The following FGF14 variants were observed in gnomAD, a reference collection of about 807,000 sequenced individuals.
The protein encoded by FGF14 is fibroblast growth factor homologous factor 4.
Under a neutral mutation model 25.5 loss-of-function variants are expected in FGF14, and 5 were observed. The observed-to-expected ratio is 0.20, with a 90% CI of 0.10 to 0.41. The LOEUF (loss-of-function observed/expected upper bound fraction) is 0.41, where lower values mean the gene tolerates loss of function less well. FGF14 is among the 10% of genes least tolerant of loss of function. FGF14 has a pLI of 1.00. For synonymous variants in FGF14, 138 were observed against 118.3 expected (o/e 1.17, Z -1.08); for missense variants, 222 against 320.1 (o/e 0.69, Z 2.34).
At chr13:102,342,686 T>C (rs1242703513) in intron 1 of FGF14, among the ~76,000 whole-genome samples, 2 of 152,122 alleles carry the variant, frequency 1.3e-5, no homozygotes, top group Admixed American at 6.6e-5. Context: ...ATCTTAATAG[T>C]CACAGGAAGC....
intron 1 of FGF14, among the ~76,000 whole-genome samples, chr13:102,169,875 T>G (rs1394546628): frequency 6.6e-6 from 1 of 152,196 alleles, no homozygotes; most frequent in African/African-American, 2.4e-5. Context: ...TATTGAGCAC[T>G]TGAAATGTGG....
intron 1 of FGF14, among the ~76,000 whole-genome samples, chr13:102,120,328 G>A (rs662273): frequency 0.68 from 103,030 of 152,060 alleles, 36,393 homozygotes; most frequent in East Asian, 0.9. Context: ...AAGCTATACT[G>A]ATGAGAGTCC....
intron 1 of FGF14, among the ~76,000 whole-genome samples, chr13:102,338,939 AG>A (rs1258364693): frequency 3.3e-5 from 5 of 149,900 alleles, no homozygotes; most frequent in African/African-American, 1.2e-4. Context: ...TGAACCCGGG[AG>A]GTGGAGGCTG....
chr13:101,967,041 G>T (rs2037254490), intron 1 of FGF14, among the ~76,000 whole-genome samples: 1 of 151,880 alleles, frequency 6.6e-6, no homozygotes, highest in African/African-American at 2.4e-5. Context: ...CTGACATAAT[G>T]CTATTTTGTT....
At chr13:102,296,266 A>G (rs563606216) in intron 1 of FGF14, among the ~76,000 whole-genome samples, 1 of 152,290 alleles carries the variant, frequency 6.6e-6, no homozygotes, top group East Asian at 1.9e-4. Flanking sequence ...ATAGATTGAC[A>G]TAGTGTAGGA....
At chr13:102,204,561 T>C (rs1466371551) in intron 1 of FGF14, among the ~76,000 whole-genome samples, 1 of 152,090 alleles carries the variant, frequency 6.6e-6, no homozygotes, top group African/African-American at 2.4e-5. Context: ...TTATTTTATT[T>C]TTTGAGACAG....
chr13:102,364,256 T>C (rs2057647220), intron 1 of FGF14, among the ~76,000 whole-genome samples: 1 of 152,248 alleles, frequency 6.6e-6, no homozygotes, highest in South Asian at 2.1e-4. Flanking sequence ...CTGTAAAATA[T>C]GTTTCCAGGC....
At chr13:102,040,306 G>A (rs191415866) in intron 1 of FGF14, among the ~76,000 whole-genome samples, 7 of 152,124 alleles carry the variant, frequency 4.6e-5, no homozygotes, top group Non-Finnish European at 7.4e-5. Flanking sequence ...AGTTGTAGGC[G>A]GAGCAAATAA....
intron 2 of FGF14, 45 bp from the exon 3 acceptor site, chr13:101,868,873 A>T (rs750681546): frequency 8.0e-7 from 1 of 1,244,068 alleles, no homozygotes; most frequent in Non-Finnish European, 1.2e-6. Flanking sequence ...AGGAAGAAGC[A>T]GGGCAGAGTG....
intron 1 of FGF14, among the ~76,000 whole-genome samples, chr13:102,279,947 G>A (rs2053745928): frequency 6.6e-6 from 1 of 152,128 alleles, no homozygotes; most frequent in African/African-American, 2.4e-5. Flanking sequence ...TACATCTATT[G>A]GAAACAGACT....
intron 1 of FGF14, among the ~76,000 whole-genome samples, chr13:102,182,446 T>C (rs1449222686): frequency 1.3e-5 from 2 of 152,170 alleles, no homozygotes; most frequent in Non-Finnish European, 2.9e-5. Flanking sequence ...GTGTGTAAGC[T>C]ACCAAGTTTC....
chr13:101,834,399 G>A (rs1004639128), intron 3 of FGF14, among the ~76,000 whole-genome samples: 1 of 152,046 alleles, frequency 6.6e-6, no homozygotes, highest in African/African-American at 2.4e-5. Context: ...CAAATATGTG[G>A]TGGTCCATAG....
chr13:102,054,238 T>C (rs1469102840), intron 1 of FGF14, among the ~76,000 whole-genome samples: 1 of 152,210 alleles, frequency 6.6e-6, no homozygotes, highest in African/African-American at 2.4e-5. Flanking sequence ...TCTTGATTAA[T>C]TTTTTCTCAC....
Position 102,022,555 on chromosome 13 carries a change from T to C in FGF14, c.209-147259A>G, listed in dbSNP as rs148293336. On this transcript the variant is annotated intron_variant, in intron 1 of 4. Transcript: ENST00000376131. ...AATTGGTATGAAGATGGCTGGAGAATTATAAATTAATGGGAGGGATGCCAG... is the reference window on the plus strand; with the variant it reads ...AATTGGTATGAAGATGGCTGGAGAACTATAAATTAATGGGAGGGATGCCAG... 4.3e-3 allele frequency among the ~76,000 whole-genome samples: 658 copies of C among 152,164 alleles called. 8 individuals are homozygous for C. Among genetic ancestry groups the C allele is most frequent in the African/African-American group, 0.015 (632 of 41,546 alleles).
intron 1 of FGF14, among the ~76,000 whole-genome samples, chr13:102,220,054 T>G (rs891196394): frequency 1.3e-5 from 2 of 152,136 alleles, no homozygotes; most frequent in South Asian, 2.1e-4. Context: ...TTCCAGTAAG[T>G]GACCTTAGAT....
chr13:102,145,464 C>G (rs898550908), intron 1 of FGF14, among the ~76,000 whole-genome samples: 1 of 152,080 alleles, frequency 6.6e-6, no homozygotes, highest in African/African-American at 2.4e-5. Context: ...CTGAATTAAC[C>G]AACACTAGAA....
intron 1 of FGF14, among the ~76,000 whole-genome samples, chr13:102,122,614 A>C (rs2045777221): frequency 6.6e-6 from 1 of 152,338 alleles, no homozygotes; most frequent in East Asian, 1.9e-4. Context: ...CTGAAAATCA[A>C]AATGCAACTT....
At chr13:102,216,646 T>G (rs561578408) in intron 1 of FGF14, among the ~76,000 whole-genome samples, 2 of 152,224 alleles carry the variant, frequency 1.3e-5, no homozygotes, top group Non-Finnish European at 2.9e-5. Context: ...AAACACTTAT[T>G]GTTTGTGATC....
At chr13:102,174,175 C>T (rs1289694793) in intron 1 of FGF14, among the ~76,000 whole-genome samples, 1 of 149,502 alleles carries the variant, frequency 6.7e-6, no homozygotes, top group Non-Finnish European at 1.5e-5. Flanking sequence ...CACTCTGTTG[C>T]CCAGGCTGGA....
Sources: allele counts gnomAD v4.1 joint callset (sites outside exome capture counted in the v4.1 genomes callset), GRCh38; gene constraint gnomAD v4.1.1; transcripts MANE v1.5; gene names NCBI Gene and HGNC (gene_info 2026-07-23, HGNC 2026-07-21).